Variants in STX8 observed in about 807,000 individuals in gnomAD.
The protein encoded by STX8 is syntaxin-8.
In STX8, 23 loss-of-function variants were observed where a neutral mutation model predicts 37.5. The ratio of observed to expected loss-of-function variants is 0.61; its 90% CI spans 0.44 to 0.87. The LOEUF is 0.87. STX8 is among the 40% of genes least tolerant of loss of function. The pLI is 0.00. For missense variants in STX8, 313 were observed against 284.7 expected (o/e 1.10, Z -0.71); for synonymous variants, 115 against 99.1 (o/e 1.16, Z -0.95).
At chr17:9,548,234 A>T (rs1177389026) in intron 3 of STX8, among the ~76,000 whole-genome samples, 1 of 151,994 alleles carries the variant, frequency 6.6e-6, no homozygotes, top group Non-Finnish European at 1.5e-5. Context: ...CCTCCCAAGT[A>T]GCTGGGATTA....
chr17:9,482,269 A>G lies in STX8; in HGVS notation c.541+9560T>C, dbSNP rs553681797. On this transcript the variant is annotated intron_variant, in intron 6 of 7. Transcript: ENST00000306357. ...ACAGAATTTTTTTTTTGCCTCGTTC[A>G]TATTTCATCTGTACTATTTTTCTGG... Among the ~76,000 whole-genome samples the G allele has an allele frequency of 9.2e-5, 14 of 152,160 alleles. No homozygotes were observed. In the East Asian group the frequency reaches 2.7e-3, roughly 29 times the overall value.
intron 7 of STX8, among the ~76,000 whole-genome samples, chr17:9,263,129 G>A (rs774301392): frequency 6.6e-6 from 1 of 152,180 alleles, no homozygotes; most frequent in Non-Finnish European, 1.5e-5. Flanking sequence ...AGAAATATCT[G>A]TTGACTGCAC....
intron 7 of STX8, among the ~76,000 whole-genome samples, chr17:9,289,827 A>C (rs1347295591): frequency 6.6e-6 from 1 of 152,126 alleles, no homozygotes; most frequent in African/African-American, 2.4e-5. Flanking sequence ...AATGACAATA[A>C]GTTCCAAAAA....
chr17:9,260,401 A>G (rs1017052927), intron 7 of STX8, among the ~76,000 whole-genome samples: 3 of 152,176 alleles, frequency 2.0e-5, no homozygotes, highest in African/African-American at 7.2e-5. Flanking sequence ...AGGCGGGCGG[A>G]TCCCCTGAGG....
At chr17:9,277,488 C>A (rs1394598269) in intron 7 of STX8, among the ~76,000 whole-genome samples, 1 of 152,060 alleles carries the variant, frequency 6.6e-6, no homozygotes, top group South Asian at 2.1e-4. Flanking sequence ...TGCTTCTACC[C>A]AACTCTGTAC....
At chr17:9,285,612 C>T (rs539001853) in intron 7 of STX8, among the ~76,000 whole-genome samples, 35 of 152,210 alleles carry the variant, frequency 2.3e-4, no homozygotes, top group African/African-American at 7.5e-4. Context: ...TGGGGCAGAT[C>T]GAGGGTGCCT....
rs1024975029 is a variant in STX8 at position 9,365,644 on chromosome 17, A to C, written c.643+12908T>G. Among the ~76,000 whole-genome samples, 15 of 152,352 alleles carry C rather than the reference A, an allele frequency of 9.8e-5. 1 individual carries two copies. The highest frequency in any genetic ancestry group is 7.2e-4 in the Admixed American group (11 of 15,304). Reference sequence around the variant, plus strand: ...GGTTTAAAGAAAAGTTATCAAGGAAAAGAGAGCAGAGGACTGAGCCTTAAG... The same window carrying C: ...GGTTTAAAGAAAAGTTATCAAGGAACAGAGAGCAGAGGACTGAGCCTTAAG... On this transcript the variant is annotated intron_variant, in intron 7 of 7. Coordinates refer to ENST00000306357, the MANE Select transcript of STX8 (RefSeq NM_004853.3).
At chr17:9,451,604 T>A (rs938517738) in intron 6 of STX8, among the ~76,000 whole-genome samples, 1 of 152,184 alleles carries the variant, frequency 6.6e-6, no homozygotes, top group Admixed American at 6.5e-5. Context: ...TATGTCCAAA[T>A]TATTTTTATA....
rs538852908 is a variant in STX8, at chr17:9,349,881, C to T, written c.643+28671G>A. Among the ~76,000 whole-genome samples, 101 of 151,842 alleles carry T rather than the reference C, an allele frequency of 6.7e-4. 1 individual carries two copies. Among genetic ancestry groups the T allele is most frequent in the African/African-American group, 2.3e-3 (95 of 41,426 alleles). ...CCTGGTAGCTGGAACTACTGGCATG[C>T]ACCACCACACCGGGCTAGTTTTTAA... On this transcript the variant is annotated intron_variant, in intron 7 of 7. Transcript: ENST00000306357.
chr17:9,531,941 G>A (rs62066228), intron 4 of STX8, among the ~76,000 whole-genome samples: 2 of 152,030 alleles, frequency 1.3e-5, no homozygotes, highest in African/African-American at 4.8e-5. Context: ...TGCTAACCAC[G>A]TGTGGACAGG....
chr17:9,265,433 C>T (rs891729112), intron 7 of STX8, among the ~76,000 whole-genome samples: 9 of 152,254 alleles, frequency 5.9e-5, no homozygotes, highest in Admixed American at 1.3e-4. Flanking sequence ...CCACTGGGGG[C>T]CTGGCTCAGG....
intron 6 of STX8, among the ~76,000 whole-genome samples, chr17:9,409,017 C>A (rs923223937): frequency 2.0e-5 from 3 of 152,060 alleles, no homozygotes; most frequent in Non-Finnish European, 2.9e-5. Flanking sequence ...CCTACCCCCC[C>A]TACTGCTCAG....
At chr17:9,475,754 C>T (rs1424850932) in intron 6 of STX8, among the ~76,000 whole-genome samples, 3 of 152,218 alleles carry the variant, frequency 2.0e-5, no homozygotes, top group Non-Finnish European at 2.9e-5. Context: ...GGTCCTGAAT[C>T]GGCTTGTGCC....
chr17:9,312,845 CGT>C (rs1909240731), intron 7 of STX8, among the ~76,000 whole-genome samples: 2 of 152,116 alleles, frequency 1.3e-5, no homozygotes, highest in African/African-American at 4.8e-5. Flanking sequence ...TTGGATAGAT[CGT>C]CAAGGTAGAA....
At position 9,393,048 on chromosome 17, in the gene STX8, C is replaced by T. The variant is rs370911976; in HGVS notation, c.542-14395G>A. ...AAACACAAAGAAGTCCAGGCCACAA[C>T]ACATCATATCCAAATTGCTGAACAC... On this transcript the variant is annotated intron_variant, in intron 6 of 7. Coordinates refer to ENST00000306357, the MANE Select transcript of STX8 (RefSeq NM_004853.3). 1.3e-4 allele frequency among the ~76,000 whole-genome samples: 20 copies of T among 152,282 alleles called. No individual in the cohort carries two copies. In the East Asian group the frequency reaches 3.5e-3, roughly 26 times the overall value.
chr17:9,273,169 A>T (rs1171254521), intron 7 of STX8: 6 of 152,256 alleles, frequency 3.9e-5, no homozygotes, highest in Non-Finnish European at 8.8e-5. Context: ...AGAGGCAGGA[A>T]CTGGAATCTA....
intron 7 of STX8, among the ~76,000 whole-genome samples, chr17:9,256,500 C>T (rs1030762023): frequency 5.3e-5 from 8 of 152,226 alleles, no homozygotes; most frequent in South Asian, 2.1e-4. Context: ...CGTCAGCTTT[C>T]GCAAGGATCC....
At position 9,422,495 on chromosome 17, in the gene STX8, G is replaced by A. The variant is rs773430606; in HGVS notation, c.542-43842C>T. On this transcript the variant is annotated intron_variant, in intron 6 of 7. Coordinates refer to ENST00000306357, the MANE Select transcript of STX8 (RefSeq NM_004853.3). ...TCCTGGCATCACCAATCTGAATTAC[G>A]GCTCCATGGATTCGTCTGTTCTAGA... Among the ~76,000 whole-genome samples the A allele has an allele frequency of 2.0e-5, 3 of 152,160 alleles. No homozygotes were observed. The South Asian group carries it at 6.2e-4, about 31-fold the overall frequency.
chr17:9,324,147 C>A (rs570704519), intron 7 of STX8, among the ~76,000 whole-genome samples: 323 of 151,738 alleles, frequency 2.1e-3, no homozygotes, highest in African/African-American at 6.5e-3. Flanking sequence ...CACACACACA[C>A]ACACACACAA....
Sources: gnomAD v4.1 joint callset for allele counts (sites outside exome capture counted in the v4.1 genomes callset) on GRCh38, gnomAD v4.1.1 for gene constraint, MANE v1.5 for transcripts, NCBI Gene and HGNC (gene_info 2026-07-23, HGNC 2026-07-21) for gene names.